The following CHD2 variants were observed in gnomAD, a reference collection of about 807,000 sequenced individuals.
CHD2 encodes the protein ATP-dependent chromatin remodeler CHD2.
Under a neutral mutation model 243.9 loss-of-function variants are expected in CHD2, and 28 were observed. The ratio of observed to expected loss-of-function variants is 0.11; its 90% CI spans 0.09 to 0.16. CHD2 has a LOEUF of 0.16. Ranked by LOEUF, CHD2 falls within the 10% of genes least tolerant of loss-of-function variation. The pLI is 1.00. For synonymous variants in CHD2, 775 were observed against 779.0 expected (o/e 0.99, Z 0.09); for missense variants, 1,386 against 2,209.8 (o/e 0.63, Z 7.47).
At chr15:93,024,344 T>C (rs766214861) in intron 38 of CHD2, 28 bp from the exon 39 acceptor site, 7 of 1,590,076 alleles carry the variant, frequency 4.4e-6, no homozygotes, top group Non-Finnish European at 6.0e-6. Context: ...CTTCAGTCTT[T>C]CGACTAATCC....
chr15:92,903,363 A>G (rs889236794), intron 2 of CHD2, among the ~76,000 whole-genome samples: 2 of 152,190 alleles, frequency 1.3e-5, no homozygotes, highest in African/African-American at 2.4e-5. Flanking sequence ...GCCACAGAAG[A>G]GGAAATGAGT....
chr15:92,935,090 C>T (rs1169911048), intron 5 of CHD2, among the ~76,000 whole-genome samples: 3 of 148,480 alleles, frequency 2.0e-5, no homozygotes, highest in Non-Finnish European at 4.4e-5. Context: ...GGCTGGAGTG[C>T]AGTGGCCCGA....
At chr15:93,023,447 G>A (rs1196852608) in intron 38 of CHD2, among the ~76,000 whole-genome samples, 1 of 152,092 alleles carries the variant, frequency 6.6e-6, no homozygotes, top group Non-Finnish European at 1.5e-5. Flanking sequence ...TTCCATCTTT[G>A]GGCTGTTGTG....
chr15:93,004,589 A>G (rs776622887), intron 33 of CHD2, 28 bp from the exon 34 acceptor site: 13 of 1,596,658 alleles, frequency 8.1e-6, no homozygotes, highest in African/African-American at 5.4e-5. Context: ...ACAAATGACA[A>G]TGACTCCTTG....
intron 36 of CHD2, among the ~76,000 whole-genome samples, chr15:93,013,026 A>T (rs948611275): frequency 1.3e-5 from 2 of 152,220 alleles, no homozygotes; most frequent in African/African-American, 4.8e-5. Context: ...GTGAGCATTA[A>T]ATACCACCTC....
At chr15:92,943,418 C>T in intron 9 of CHD2, 1 of 278,830 alleles carries the variant, frequency 3.6e-6, no homozygotes, top group Non-Finnish European at 6.9e-6. Context: ...AATTCTGATG[C>T]CCTGAATCCA....
intron 2 of CHD2, chr15:92,904,430 C>T (rs1317388022): frequency 1.0e-6 from 1 of 987,662 alleles, no homozygotes; most frequent in Non-Finnish European, 1.2e-6. Flanking sequence ...GCAGTGACGT[C>T]TGGCCGCGTG....
intron 26 of CHD2, among the ~76,000 whole-genome samples, chr15:92,990,231 G>A (rs1434229562): frequency 4.6e-5 from 7 of 152,200 alleles, no homozygotes; most frequent in Non-Finnish European, 7.3e-5. Flanking sequence ...TTACCCTCCA[G>A]TGGCTGCTGT....
rs139198025 is a variant in CHD2, at chr15:92,993,938, C to T, written c.3595+940C>T. Among the ~76,000 whole-genome samples, 395 of 152,220 alleles carry T rather than the reference C, an allele frequency of 2.6e-3. 4 individuals are homozygous for T. Among genetic ancestry groups the T allele is most frequent in the African/African-American group, 9.1e-3 (376 of 41,528 alleles). ...AGTGAGTTGAGATCATGCCACTGCA[C>T]TTCAGCCTGGGTGACAGAGCGAAAC... On this transcript the variant is annotated intron_variant, in intron 28 of 38. Transcript: ENST00000394196.
At chr15:92,960,630 A>G (rs1035449233) in intron 16 of CHD2, among the ~76,000 whole-genome samples, 1 of 149,336 alleles carries the variant, frequency 6.7e-6, no homozygotes, top group African/African-American at 2.5e-5. Context: ...ACTTGTTAAC[A>G]GTGTTTGATA....
At chr15:92,923,106 C>T (rs1596378457) in intron 2 of CHD2, among the ~76,000 whole-genome samples, 1 of 152,138 alleles carries the variant, frequency 6.6e-6, no homozygotes, top group East Asian at 1.9e-4. Flanking sequence ...GATCTCACTG[C>T]AGATTATAAG....
At chr15:93,001,632 G>A (rs932201942) in intron 32 of CHD2, among the ~76,000 whole-genome samples, 2 of 151,780 alleles carry the variant, frequency 1.3e-5, no homozygotes, top group Admixed American at 6.6e-5. Flanking sequence ...TTCTCCTGCC[G>A]CAGCCTCCCA....
chr15:92,987,003 T>C (rs954398649), intron 26 of CHD2, among the ~76,000 whole-genome samples: 1 of 152,134 alleles, frequency 6.6e-6, no homozygotes, highest in African/African-American at 2.4e-5. Context: ...CCCAAAGTGT[T>C]GGGATTATAG....
chr15:93,016,799 A>G (rs571297187), intron 37 of CHD2, among the ~76,000 whole-genome samples: 201 of 151,220 alleles, frequency 1.3e-3, no homozygotes, highest in African/African-American at 4.4e-3. Flanking sequence ...AAAAAATTGC[A>G]GTTTTGAAAC....
chr15:92,991,387 G>T, intron 26 of CHD2, 89 bp from the exon 27 acceptor site: 1 of 932,266 alleles, frequency 1.1e-6, no homozygotes, highest in Non-Finnish European at 1.7e-6. Flanking sequence ...AATTTGCATG[G>T]CTCATATGTC....
Position 92,939,754 on chromosome 15 carries a change from T to C in CHD2, c.692+36T>C. The C allele has an allele frequency of 2.5e-6, 4 of 1,592,904 alleles. No homozygotes were observed. The South Asian group carries it at 3.4e-5, about 13-fold the overall frequency. On this transcript the variant is annotated intron_variant, in intron 7 of 38. Transcript: ENST00000394196. ...CCCCAGAAGTGTTTCACTGGTGTGA[T>C]GTGATAAAGTAGTTGGTTAGATTTT... is the stretch of plus-strand genomic sequence containing the variant.
Position 92,943,062 on chromosome 15 carries a change from A to G in CHD2, c.1046A>G (p.Lys349Arg), listed in dbSNP as rs1218741554. The G allele has an allele frequency of 6.2e-6, 10 of 1,609,848 alleles. No individual in the cohort carries two copies. Among genetic ancestry groups the G allele is most frequent in the African/African-American group, 1.3e-5 (1 of 74,974 alleles). The change falls in exon 9 of 39, where the codon AAA becomes AGA. Residue 349 changes from lysine (K) to arginine (R), a missense_variant. Physicochemically the swap from Lys to Arg is conservative, Grantham distance 26 (BLOSUM62 2). This residue lies in a region of CHD2 where 200 missense variants were observed against 292.5 expected (regional missense o/e 0.68). Transcript: ENST00000394196. The part of the protein sequence containing the change: ...ENFKKKEDEI[K>R]QWLGKVSPED... The stretch of plus-strand genomic sequence containing the variant: ...TTCAAGAAAAAAGAGGACGAAATCA[A>G]ACAATGGTATATTTTCCATCATGGA...
rs2054119498 is a variant in CHD2 at position 92,991,531 on chromosome 15, A to G, written c.3455+14A>G. 6.3e-7 allele frequency: 1 copy of G among 1,588,300 alleles called. No homozygotes were observed. The highest frequency in any genetic ancestry group is 8.6e-7 in the Non-Finnish European group (1 of 1,165,156). ...CCCTCTTGAACGGTAAGTTCAGTGT[A>G]ATAGTCCCTTATCTTCCTCTTTTTT... On this transcript the variant is annotated intron_variant, in intron 27 of 38. Transcript: ENST00000394196.
At position 93,024,425 on chromosome 15, in the gene CHD2, A is replaced by G. The variant is rs749860254; in HGVS notation, c.5207A>G (p.Tyr1736Cys). The G allele has an allele frequency of 6.2e-7, 1 of 1,614,064 alleles. No individual in the cohort carries two copies. Among genetic ancestry groups the G allele is most frequent in the East Asian group, 2.2e-5 (1 of 44,902 alleles). The change falls in exon 39 of 39, where the codon TAC becomes TGC. Residue 1736 changes from tyrosine to cysteine, a missense_variant. Coordinates refer to ENST00000394196, the MANE Select transcript of CHD2 (RefSeq NM_001271.4). The stretch of plus-strand genomic sequence containing the variant: ...TCCGATGAATTTAGGCCTCAAAATT[A>G]CCACCAGCAGGATTTCCGACGAATG... ...RRSDEFRPQNYHQQDFRRMSD... is the reference protein window; with the variant it reads ...RRSDEFRPQNCHQQDFRRMSD...
Sources: allele counts gnomAD v4.1 joint callset (sites outside exome capture counted in the v4.1 genomes callset), GRCh38; gene constraint gnomAD v4.1.1; regional missense constraint gnomAD v4.1.1; transcripts MANE v1.5; gene names NCBI Gene and HGNC (gene_info 2026-07-23, HGNC 2026-07-21).